Variants in LYPLAL1 observed in about 807,000 individuals in gnomAD.
LYPLAL1 encodes lysophospholipase like 1, also known as lysophospholipase-like protein 1.
Under a neutral mutation model 19.7 loss-of-function variants are expected in LYPLAL1, and 23 were observed. That is an observed-to-expected ratio of 1.17 (90% CI 0.84 to 1.65). The LOEUF is 1.65. Among genes scored for constraint, LYPLAL1 ranks in the 40% most tolerant of loss-of-function variants. LYPLAL1 has a pLI of 0.00. For synonymous variants in LYPLAL1, 119 were observed against 96.3 expected (o/e 1.24, Z -1.38); for missense variants, 355 against 279.4 (o/e 1.27, Z -1.93).
the LYPLAL1 span, among the ~76,000 whole-genome samples, chr1:219,245,953 T>C: frequency 1.4e-3 from 216 of 152,308 alleles, 1 homozygote; most frequent in Non-Finnish European, 2.1e-3. Flanking sequence ...TGGACCATCA[T>C]GAAGGAATAT....
At chr1:219,400,288 G>T in the LYPLAL1 span, among the ~76,000 whole-genome samples, 1 of 151,932 alleles carries the variant, frequency 6.6e-6, no homozygotes, top group Non-Finnish European at 1.5e-5. Flanking sequence ...TGGCCATCTT[G>T]CCCTTTCTCA....
At chr1:219,243,227 T>C in the LYPLAL1 span, among the ~76,000 whole-genome samples, 1 of 152,238 alleles carries the variant, frequency 6.6e-6, no homozygotes, top group African/African-American at 2.4e-5. Context: ...ACATAATTTT[T>C]AATGGAAATA....
At chr1:219,373,374 T>C in the LYPLAL1 span, among the ~76,000 whole-genome samples, 1 of 152,186 alleles carries the variant, frequency 6.6e-6, no homozygotes, top group Non-Finnish European at 1.5e-5. Context: ...CACATCATAA[T>C]GGGATTTCCT....
chr1:219,360,447 T>G, the LYPLAL1 span, among the ~76,000 whole-genome samples: 4 of 152,340 alleles, frequency 2.6e-5, no homozygotes, highest in African/African-American at 9.6e-5. Context: ...AGTAGTCATT[T>G]GACAAAGATC....
At chr1:219,355,041 G>A in the LYPLAL1 span, among the ~76,000 whole-genome samples, 1 of 152,198 alleles carries the variant, frequency 6.6e-6, no homozygotes, top group East Asian at 1.9e-4. Context: ...AATGTTATCT[G>A]AATGTAGACT....
the LYPLAL1 span, among the ~76,000 whole-genome samples, chr1:219,370,426 G>A: frequency 6.6e-6 from 1 of 152,120 alleles, no homozygotes; most frequent in South Asian, 2.1e-4. Context: ...CCTATATCTC[G>A]ATTCTGCATT....
At chr1:219,358,081 C>T in the LYPLAL1 span, among the ~76,000 whole-genome samples, 2 of 152,086 alleles carry the variant, frequency 1.3e-5, no homozygotes, top group African/African-American at 4.8e-5. Flanking sequence ...ATGGTGGATA[C>T]ATGACATGAT....
At chr1:219,298,945 T>G in the LYPLAL1 span, among the ~76,000 whole-genome samples, 2 of 152,298 alleles carry the variant, frequency 1.3e-5, no homozygotes, top group East Asian at 1.9e-4. Flanking sequence ...AGGCATGACC[T>G]CCAATGAAAA....
the LYPLAL1 span, among the ~76,000 whole-genome samples, chr1:219,304,064 G>T: frequency 6.6e-6 from 1 of 152,262 alleles, no homozygotes; most frequent in African/African-American, 2.4e-5. Context: ...AAAGATTGAA[G>T]ATGTATGTCC....
chr1:219,272,626 A>T, the LYPLAL1 span: 1 of 152,078 alleles, frequency 6.6e-6, no homozygotes, highest in Non-Finnish European at 1.5e-5. Context: ...AAACAAAAAA[A>T]ATTAACTGAG....
At chr1:219,205,217 CGCGGTGGCGG>C (rs1410496578) in intron 3 of LYPLAL1, among the ~76,000 whole-genome samples, 1 of 150,916 alleles carries the variant, frequency 6.6e-6, no homozygotes, top group Non-Finnish European at 1.5e-5. Flanking sequence ...ATTAGCCGGG[CGCGGTGGCGG>C]GCGCCTGTAG....
At chr1:219,438,526 A>G in the LYPLAL1 span, among the ~76,000 whole-genome samples, 1 of 152,244 alleles carries the variant, frequency 6.6e-6, no homozygotes, top group African/African-American at 2.4e-5. Flanking sequence ...ATTACTCTCC[A>G]TTGTTCTGTA....
the LYPLAL1 span, among the ~76,000 whole-genome samples, chr1:219,362,331 CT>C: frequency 6.6e-6 from 1 of 152,108 alleles, no homozygotes; most frequent in Non-Finnish European, 1.5e-5. Context: ...CCGTTTGCTC[CT>C]TTGTCAAATA....
chr1:219,236,898 C>A, the LYPLAL1 span, among the ~76,000 whole-genome samples: 5 of 152,130 alleles, frequency 3.3e-5, no homozygotes, highest in African/African-American at 1.2e-4. Flanking sequence ...TTTCTTGATG[C>A]TCTCCCTCCC....
chr1:219,215,976 C>A (rs1323993901), downstream of LYPLAL1, among the ~76,000 whole-genome samples: 1 of 152,006 alleles, frequency 6.6e-6, no homozygotes, highest in Non-Finnish European at 1.5e-5. Flanking sequence ...CTTACATTTT[C>A]CTTTTCTATT....
At chr1:219,391,814 G>A in the LYPLAL1 span, among the ~76,000 whole-genome samples, 1 of 152,032 alleles carries the variant, frequency 6.6e-6, no homozygotes, top group Admixed American at 6.5e-5. Context: ...GAACTTCACT[G>A]GCATTTTGGG....
At chr1:219,375,736 A>ATTT in the LYPLAL1 span, among the ~76,000 whole-genome samples, 123 of 134,486 alleles carry the variant, frequency 9.1e-4, 1 homozygote, top group South Asian at 1.4e-3. Context: ...ATGCTTCCTG[A>ATTT]TTTTTTTTTT....
the LYPLAL1 span, among the ~76,000 whole-genome samples, chr1:219,443,043 T>C: frequency 4.6e-5 from 7 of 151,998 alleles, no homozygotes; most frequent in African/African-American, 1.7e-4. Flanking sequence ...AGGGGAATTG[T>C]TTAAAATAAT....
chr1:219,423,500 A>T, the LYPLAL1 span, among the ~76,000 whole-genome samples: 1 of 152,230 alleles, frequency 6.6e-6, no homozygotes, highest in East Asian at 1.9e-4. Context: ...AGTGAGATAT[A>T]TAAAACCCTA....
Sources: gnomAD v4.1 joint callset for allele counts (sites outside exome capture counted in the v4.1 genomes callset) on GRCh38, gnomAD v4.1.1 for gene constraint, MANE v1.5 for transcripts, NCBI Gene and HGNC (gene_info 2026-07-23, HGNC 2026-07-21) for gene names.